The following PTPRD variants were observed in gnomAD, a reference collection of about 807,000 sequenced individuals.
PTPRD encodes receptor-type tyrosine-protein phosphatase delta.
A neutral mutation model predicts 214.5 loss-of-function variants in PTPRD; 34 were observed. The ratio of observed to expected loss-of-function variants is 0.16; its 90% CI spans 0.12 to 0.21. The LOEUF is 0.21. Ranked by LOEUF, PTPRD falls within the 10% of genes least tolerant of loss-of-function variation. The pLI is 1.00. For missense variants in PTPRD, 2,545 were observed against 2,398.7 expected, an observed-to-expected ratio of 1.06 and a Z score of -1.27; for synonymous variants, 1,128 against 845.7, an observed-to-expected ratio of 1.33 and a Z score of -5.79.
chr9:8,474,235 T>A (rs35498992), intron 30 of PTPRD, among the ~76,000 whole-genome samples: 3,524 of 152,216 alleles, frequency 0.023, 104 homozygotes, highest in African/African-American at 0.068. Flanking sequence ...TCCAGCTACA[T>A]TATGATCTTC....
At chr9:9,159,628 C>G (rs187112043) in intron 10 of PTPRD, among the ~76,000 whole-genome samples, 1 of 152,226 alleles carries the variant, frequency 6.6e-6, no homozygotes, top group African/African-American at 2.4e-5. Context: ...AATGCCATTA[C>G]TACTTCAAGT....
intron 8 of PTPRD, among the ~76,000 whole-genome samples, chr9:9,470,801 G>C (rs892571145): frequency 2.6e-5 from 4 of 152,296 alleles, no homozygotes; most frequent in African/African-American, 9.6e-5. Context: ...ACGAATCAAT[G>C]TGAAGCTGCC....
chr9:10,431,840 A>G (rs1234430484), intron 2 of PTPRD, among the ~76,000 whole-genome samples: 1 of 152,088 alleles, frequency 6.6e-6, no homozygotes. Context: ...TGTTGGTGGG[A>G]CTGTAAACTA....
intron 5 of PTPRD, among the ~76,000 whole-genome samples, chr9:9,931,636 A>AGGC (rs2086622856): frequency 6.6e-6 from 1 of 151,630 alleles, no homozygotes; most frequent in East Asian, 2.0e-4. Flanking sequence ...GCAAGACGGC[A>AGGC]ACGAGGCTGG....
chr9:9,430,252 C>T (rs1479877531), intron 8 of PTPRD, among the ~76,000 whole-genome samples: 2 of 152,060 alleles, frequency 1.3e-5, no homozygotes, highest in African/African-American at 2.4e-5. Context: ...TTCCTATACA[C>T]CAATAACAGA....
intron 11 of PTPRD, among the ~76,000 whole-genome samples, chr9:8,902,443 A>G (rs2098677618): frequency 6.6e-6 from 1 of 151,328 alleles, no homozygotes; most frequent in Non-Finnish European, 1.5e-5. Flanking sequence ...CCTGGGTTCA[A>G]GTGATTCTCC....
intron 10 of PTPRD, among the ~76,000 whole-genome samples, chr9:9,177,981 G>C (rs1405650665): frequency 6.6e-6 from 1 of 152,112 alleles, no homozygotes; most frequent in Non-Finnish European, 1.5e-5. Context: ...CTGGGAAAGA[G>C]AGATCAGATG....
At chr9:9,186,914 A>AT (rs780116853) in intron 9 of PTPRD, among the ~76,000 whole-genome samples, 10 of 151,784 alleles carry the variant, frequency 6.6e-5, no homozygotes, top group East Asian at 1.9e-4. Context: ...GCTTAGAATA[A>AT]TTTTTTTATA....
chr9:8,404,566 T>C lies in PTPRD; in HGVS notation c.4181A>G (p.His1394Arg). Residue 1394 changes from histidine to arginine, a missense_variant, in exon 36 of 46, where the codon CAT (histidine) becomes CGT (arginine). Coordinates refer to ENST00000381196, the MANE Select transcript of PTPRD (RefSeq NM_002839.4). Reference protein sequence around the residue: ...NRYANVIAYDHSRVLLSAIEG... With the variant: ...NRYANVIAYDRSRVLLSAIEG... ...TATAGCTGATAGGAGAACCCGGGAATGATCATATGCGATTACATTCGCGTA... is the reference window on the plus strand; with the variant it reads ...TATAGCTGATAGGAGAACCCGGGAACGATCATATGCGATTACATTCGCGTA... The C allele has an allele frequency of 6.2e-7, 1 of 1,613,230 alleles. No individual in the cohort carries two copies. The highest frequency in any genetic ancestry group is 8.5e-7 in the Non-Finnish European group (1 of 1,179,276).
At chr9:9,122,700 T>C (rs2099818751) in intron 10 of PTPRD, among the ~76,000 whole-genome samples, 1 of 152,174 alleles carries the variant, frequency 6.6e-6, no homozygotes, top group East Asian at 1.9e-4. Context: ...TGGATTGAAA[T>C]CCTGTGTTTC....
chr9:8,660,676 T>C (rs1245060378), intron 12 of PTPRD, among the ~76,000 whole-genome samples: 2 of 152,166 alleles, frequency 1.3e-5, no homozygotes, highest in Admixed American at 6.5e-5. Flanking sequence ...TCTTCTGCAA[T>C]GACTTCACAT....
intron 10 of PTPRD, among the ~76,000 whole-genome samples, chr9:9,117,666 A>G (rs1419683289): frequency 2.0e-5 from 3 of 152,252 alleles, no homozygotes; most frequent in Non-Finnish European, 4.4e-5. Flanking sequence ...AGAATAAATA[A>G]AAGAATGAAT....
chr9:8,493,549 A>G (rs998144505), intron 26 of PTPRD, among the ~76,000 whole-genome samples: 3 of 152,182 alleles, frequency 2.0e-5, no homozygotes, highest in African/African-American at 7.2e-5. Context: ...TTGGACCTAG[A>G]TACCCTGAGA....
intron 7 of PTPRD, among the ~76,000 whole-genome samples, chr9:9,723,472 C>T (rs539030530): frequency 2.0e-5 from 3 of 151,948 alleles, no homozygotes; most frequent in Non-Finnish European, 4.4e-5. Context: ...TATGAGTCCT[C>T]CTACTTTGTT....
At position 10,463,662 on chromosome 9, in the gene PTPRD, T is replaced by C. The variant is rs112499360; in HGVS notation, c.-599-122645A>G. On this transcript the variant is annotated intron_variant, in intron 2 of 45. Coordinates refer to ENST00000381196, the MANE Select transcript of PTPRD (RefSeq NM_002839.4). ...TATAAGAGAACAAAAGCAAACTCTT[T>C]CAAAGAAGCCAAAGCATTATTGTTT... Among the ~76,000 whole-genome samples, 1,488 of 152,204 alleles carry C rather than the reference T, an allele frequency of 9.8e-3. 18 individuals are homozygous for C. Among genetic ancestry groups the C allele is most frequent in the Non-Finnish European group, 0.015 (1,053 of 67,992 alleles).
At chr9:9,979,878 C>T (rs1324551541) in intron 4 of PTPRD, among the ~76,000 whole-genome samples, 1 of 152,050 alleles carries the variant, frequency 6.6e-6, no homozygotes, top group East Asian at 1.9e-4. Flanking sequence ...AGATTGGGCA[C>T]AGCAACGGGC....
chr9:9,935,994 A>C (rs1237220027), intron 5 of PTPRD, among the ~76,000 whole-genome samples: 2 of 151,082 alleles, frequency 1.3e-5, no homozygotes, highest in Non-Finnish European at 2.9e-5. Flanking sequence ...TCCCTATTTA[A>C]TAAATGGTGC....
chr9:8,416,157 T>C (rs3847294), intron 35 of PTPRD, among the ~76,000 whole-genome samples: 93,728 of 151,920 alleles, frequency 0.62, 30,245 homozygotes, highest in African/African-American at 0.79. Flanking sequence ...AATATAATAG[T>C]AGATTATATG....
chr9:9,471,522 A>G (rs2094585103), intron 8 of PTPRD, among the ~76,000 whole-genome samples: 1 of 152,210 alleles, frequency 6.6e-6, no homozygotes, highest in African/African-American at 2.4e-5. Context: ...AACATTAAAG[A>G]ATTTATTGCT....
Sources: gnomAD v4.1 joint callset for allele counts (sites outside exome capture counted in the v4.1 genomes callset) on GRCh38, gnomAD v4.1.1 for gene constraint, MANE v1.5 for transcripts, NCBI Gene and HGNC (gene_info 2026-07-23, HGNC 2026-07-21) for gene names.